The following FUT8 variants were observed in gnomAD, a reference collection of about 807,000 sequenced individuals.
The protein encoded by FUT8 is fucosyltransferase 8, also known as alpha-(1,6)-fucosyltransferase.
Under a neutral mutation model 71.3 loss-of-function variants are expected in FUT8, and 29 were observed. The observed-to-expected ratio is 0.41, with a 90% CI of 0.30 to 0.55. The LOEUF (loss-of-function observed/expected upper bound fraction) is 0.55, where lower values mean the gene tolerates loss of function less well. Among genes scored for constraint, FUT8 ranks in the 20% least tolerant of loss-of-function variants. The pLI is 0.34. For synonymous variants in FUT8, 254 were observed against 239.3 expected, an observed-to-expected ratio of 1.06 and a Z score of -0.57; for missense variants, 544 against 702.1, an observed-to-expected ratio of 0.77 and a Z score of 2.55.
intron 7 of FUT8, among the ~76,000 whole-genome samples, chr14:65,671,474 T>G (rs1048505122): frequency 6.6e-6 from 1 of 152,150 alleles, no homozygotes; most frequent in Non-Finnish European, 1.5e-5. Flanking sequence ...GCTAAATGAC[T>G]TACCCAGGGT....
In FUT8 at chr14:65,433,786, T is replaced by TTCTCTCTCTCTCTCTCTCTCTCTCTC. The variant is rs71126744; in HGVS notation, c.-326+20579_-326+20604dup. Among the ~76,000 whole-genome samples, 261 of 144,936 alleles carry TTCTCTCTCTCTCTCTCTCTCTCTCTC rather than the reference T, an allele frequency of 1.8e-3. 5 individuals carry two copies. The highest frequency in any genetic ancestry group is 0.012 in the South Asian group (48 of 4,158). ...TTTATTTCTACCTCTCTTCTGTCTC[T>TTCTCTCTCTCTCTCTCTCTCTCTCTC]TCTCTCTCTCTCTCTCTCTCTCTCT... On this transcript the variant is annotated intron_variant, in intron 1 of 10. Transcript: ENST00000673929.
intron 7 of FUT8, among the ~76,000 whole-genome samples, chr14:65,710,009 C>A (rs1894736126): frequency 6.6e-6 from 1 of 152,194 alleles, no homozygotes; most frequent in African/African-American, 2.4e-5. Flanking sequence ...ATTTCTCTCT[C>A]TTTTTCAGTT....
At chr14:65,421,747 C>CCTTTTTTTT (rs57713947) in intron 1 of FUT8, among the ~76,000 whole-genome samples, 1 of 79,212 alleles carries the variant, frequency 1.3e-5, no homozygotes, top group Non-Finnish European at 2.4e-5. Flanking sequence ...CCACCCCCCC[C>CCTTTTTTTT]TTTTTTTTTT....
At chr14:65,447,816 T>G (rs982014009) in intron 1 of FUT8, among the ~76,000 whole-genome samples, 2 of 152,174 alleles carry the variant, frequency 1.3e-5, no homozygotes, top group Non-Finnish European at 2.9e-5. Context: ...GATAATGATA[T>G]GTTATTTCTG....
chr14:65,460,900 G>T (rs148795370), intron 2 of FUT8, among the ~76,000 whole-genome samples: 1 of 152,170 alleles, frequency 6.6e-6, no homozygotes, highest in Non-Finnish European at 1.5e-5. Flanking sequence ...CAGAAGGTCT[G>T]TAATGAACAA....
chr14:65,432,808 G>T (rs61989993), intron 1 of FUT8, among the ~76,000 whole-genome samples: 9,862 of 151,982 alleles, frequency 0.065, 365 homozygotes, highest in Admixed American at 0.11. Flanking sequence ...TACCCTGTAT[G>T]GTCTAAAAAT....
intron 7 of FUT8, among the ~76,000 whole-genome samples, chr14:65,675,857 C>T (rs549465468): frequency 2.0e-5 from 3 of 151,060 alleles, no homozygotes; most frequent in South Asian, 2.1e-4. Flanking sequence ...ATCAGCCTGG[C>T]GTGGTGATGG....
intron 6 of FUT8, among the ~76,000 whole-genome samples, chr14:65,651,658 CAA>C (rs1447277377): frequency 6.6e-6 from 1 of 151,664 alleles, no homozygotes; most frequent in African/African-American, 2.4e-5. Flanking sequence ...AGTCTTGAAA[CAA>C]ATGAAAAAAT....
chr14:65,518,321 A>G (rs1481564483), intron 2 of FUT8, among the ~76,000 whole-genome samples: 1 of 152,176 alleles, frequency 6.6e-6, no homozygotes, highest in African/African-American at 2.4e-5. Flanking sequence ...ATACTGTAGT[A>G]GTATTTTTTT....
chr14:65,616,963 T>G (rs1231963073), intron 5 of FUT8: 1 of 1,109,520 alleles, frequency 9.0e-7, no homozygotes, highest in African/African-American at 1.7e-5. Context: ...AAGTTTATCT[T>G]CCACAGAAAA....
intron 2 of FUT8, among the ~76,000 whole-genome samples, chr14:65,532,698 T>C (rs1884036625): frequency 1.3e-5 from 2 of 152,210 alleles, no homozygotes; most frequent in South Asian, 4.1e-4. Flanking sequence ...TGTGTCTTTG[T>C]CATGAAATCT....
chr14:65,559,663 C>T (rs555743929), intron 2 of FUT8, among the ~76,000 whole-genome samples: 11 of 152,016 alleles, frequency 7.2e-5, no homozygotes, highest in Non-Finnish European at 1.2e-4. Flanking sequence ...TTTTGGCTGA[C>T]GTACCGAATT....
intron 2 of FUT8, among the ~76,000 whole-genome samples, chr14:65,537,633 C>T (rs976053185): frequency 3.3e-5 from 5 of 152,130 alleles, no homozygotes; most frequent in African/African-American, 1.2e-4. Flanking sequence ...GTGATCCACC[C>T]ACCTTGGCCT....
At chr14:65,523,320 G>T (rs986726340) in intron 2 of FUT8, among the ~76,000 whole-genome samples, 1 of 152,100 alleles carries the variant, frequency 6.6e-6, no homozygotes, top group African/African-American at 2.4e-5. Context: ...TTCTCTGATG[G>T]CCAGTGATGA....
At chr14:65,530,061 A>G (rs1883834006) in intron 2 of FUT8, among the ~76,000 whole-genome samples, 3 of 152,090 alleles carry the variant, frequency 2.0e-5, no homozygotes, top group Admixed American at 1.3e-4. Flanking sequence ...ATTAGTATTG[A>G]TATTCAGGTA....
At chr14:65,424,792 T>C (rs1168952172) in intron 1 of FUT8, among the ~76,000 whole-genome samples, 1 of 152,110 alleles carries the variant, frequency 6.6e-6, no homozygotes, top group Non-Finnish European at 1.5e-5. Flanking sequence ...CCCAAGTAGC[T>C]GGGACTGCAG....
chr14:65,629,572 C>T lies in FUT8; in HGVS notation c.563C>T (p.Thr188Ile), dbSNP rs778857335. ...DWREKEAKDL[T>I]ELVQRRITYL... ...CGGGAAAAAGAGGCCAAAGATCTGA[C>T]AGAACTGGTTCAGCGGAGAATAACA... is the stretch of plus-strand genomic sequence containing the variant. Residue 188 changes from threonine to isoleucine, a missense_variant, in exon 6 of 11, where the codon ACA becomes ATA. By Grantham distance (89) the Thr-to-Ile change is moderately conservative. Transcript: ENST00000673929. 7 of 1,613,496 alleles carry T rather than the reference C, an allele frequency of 4.3e-6. No homozygotes were observed. The highest frequency in any genetic ancestry group is 5.9e-6 in the Non-Finnish European group (7 of 1,179,626).
chr14:65,486,582 C>T (rs1201359532), intron 2 of FUT8, among the ~76,000 whole-genome samples: 1 of 152,178 alleles, frequency 6.6e-6, no homozygotes, highest in East Asian at 1.9e-4. Flanking sequence ...ATAGAGGGGG[C>T]TCAGAAGAAT....
intron 6 of FUT8, among the ~76,000 whole-genome samples, chr14:65,639,109 A>G (rs917136655): frequency 3.3e-5 from 5 of 152,236 alleles, no homozygotes; most frequent in East Asian, 1.9e-4. Context: ...AAAAAAAAAA[A>G]TGAACAACTT....
Sources: gnomAD v4.1 joint callset for allele counts (sites outside exome capture counted in the v4.1 genomes callset) on GRCh38, gnomAD v4.1.1 for gene constraint, MANE v1.5 for transcripts, NCBI Gene and HGNC (gene_info 2026-07-23, HGNC 2026-07-21) for gene names.